VIPR1: variants seen among roughly 807,000 people sequenced by gnomAD.
VIPR1 encodes the protein vasoactive intestinal peptide receptor 1, also known as vasoactive intestinal polypeptide receptor 1.
Under a neutral mutation model 58.8 loss-of-function variants are expected in VIPR1, and 59 were observed. The observed-to-expected ratio is 1.00, with a 90% CI of 0.81 to 1.25. The LOEUF (loss-of-function observed/expected upper bound fraction) is 1.25. Among genes scored for constraint, VIPR1 ranks in the 50% most tolerant of loss-of-function variants. The pLI is 0.00. For missense variants in VIPR1, 626 were observed against 602.7 expected, an observed-to-expected ratio of 1.04 and a Z score of -0.40; for synonymous variants, 251 against 242.1, an observed-to-expected ratio of 1.04 and a Z score of -0.34.
chr3:42,514,748 G>T (rs1158643937), intron 2 of VIPR1, among the ~76,000 whole-genome samples: 1 of 152,116 alleles, frequency 6.6e-6, no homozygotes, highest in Admixed American at 6.5e-5. Flanking sequence ...CTCCTCAGGG[G>T]GCTGGGAGAG....
upstream of VIPR1, among the ~76,000 whole-genome samples, chr3:42,499,097 G>T (rs72862506): frequency 6.6e-6 from 1 of 152,208 alleles, no homozygotes; most frequent in Non-Finnish European, 1.5e-5. Context: ...GAAAGCAAAT[G>T]TTGCCTGCAT....
In VIPR1 at chr3:42,532,231, C is replaced by T. The variant is rs117646510; in HGVS notation, c.919-11C>T. On this transcript the variant is annotated splice_polypyrimidine_tract_variant and intron_variant, in intron 9 of 12. Coordinates refer to ENST00000325123, the MANE Select transcript of VIPR1 (RefSeq NM_004624.4). Reference sequence around the variant, plus strand: ...GCTCTGACTGCCCGAACTCGGGTCCCCACCCACTAGGTAAACTTCATCCTG... The same window carrying T: ...GCTCTGACTGCCCGAACTCGGGTCCTCACCCACTAGGTAAACTTCATCCTG... The T allele has an allele frequency of 4.0e-4, 645 of 1,614,106 alleles. 12 individuals carry two copies. In the East Asian group the frequency reaches 0.01, roughly 26 times the overall value.
chr3:42,504,134 A>G (rs1022212634), intron 1 of VIPR1, among the ~76,000 whole-genome samples: 4 of 152,120 alleles, frequency 2.6e-5, no homozygotes, highest in African/African-American at 4.8e-5. Context: ...CACAACTTGC[A>G]TGAAGCCTTC....
At chr3:42,510,823 G>A (rs1028495222) in intron 1 of VIPR1, among the ~76,000 whole-genome samples, 1 of 152,140 alleles carries the variant, frequency 6.6e-6, no homozygotes, top group Non-Finnish European at 1.5e-5. Flanking sequence ...CTCTAAGGAA[G>A]GGCTGTGTGT....
At chr3:42,497,987 G>C (rs368053126), upstream of VIPR1, among the ~76,000 whole-genome samples, 29 of 152,362 alleles carry the variant, frequency 1.9e-4, no homozygotes, top group African/African-American at 6.7e-4. Context: ...GAGTCCTGGG[G>C]TTTTGAGGGA....
chr3:42,527,325 C>A, intron 4 of VIPR1, 68 bp from the exon 5 acceptor site: 1 of 1,455,068 alleles, frequency 6.9e-7, no homozygotes, highest in Non-Finnish European at 9.6e-7. Flanking sequence ...GCACCCCACC[C>A]CTGCCAATAC....
chr3:42,528,335 T>G, intron 6 of VIPR1: 2 of 651,280 alleles, frequency 3.1e-6, no homozygotes, highest in Non-Finnish European at 5.0e-6. Flanking sequence ...TGCTCACCCA[T>G]CTGGGTGCTC....
rs775451361 is a variant in VIPR1 at position 42,513,888 on chromosome 3, C to T, written c.184+34C>T. ...CCCATGGGCAGAGAGGGGCTGCATG[C>T]CCCCAGGGAGCCCAAGATTCCTCAT... On this transcript the variant is annotated intron_variant, in intron 2 of 12. Transcript: ENST00000325123. 11 of 1,538,842 alleles carry T rather than the reference C, an allele frequency of 7.1e-6. No homozygotes were observed. The Admixed American group carries it at 2.2e-4, about 30-fold the overall frequency.
Position 42,535,009 on chromosome 3 carries a change from C to G in VIPR1, c.1045C>G (p.Leu349Val). Residue 349 changes from leucine to valine, a missense_variant, in exon 11 of 13, where the codon CTG becomes GTG. Leu to Val is a conservative substitution (Grantham distance 32, BLOSUM62 1). Transcript: ENST00000325123. ...CAGGTCCACACTCCTGCTGATCCCC[C>G]TGTTTGGAGTACACTACATCATGTT... The part of the protein sequence containing the change: ...LARSTLLLIP[L>V]FGVHYIMFAF... 7.4e-6 allele frequency: 12 copies of G among 1,614,164 alleles called. No individual in the cohort carries two copies. Among genetic ancestry groups the G allele is most frequent in the Non-Finnish European group, 1.0e-5 (12 of 1,180,004 alleles).
At chr3:42,491,740 A>C (rs191953456) in intron 1 of VIPR1, among the ~76,000 whole-genome samples, 1 of 152,100 alleles carries the variant, frequency 6.6e-6, no homozygotes, top group African/African-American at 2.4e-5. Context: ...ACACCTGGCT[A>C]ATTTTAGTAT....
Position 42,536,445 on chromosome 3 carries a change from A to C in VIPR1, c.*164A>C. The C allele has an allele frequency of 3.1e-6, 2 of 649,028 alleles. No individual in the cohort carries two copies. Among genetic ancestry groups the C allele is most frequent in the Non-Finnish European group, 4.8e-6 (2 of 415,532 alleles). 40.2% of individuals were successfully genotyped at this position (649,028 alleles called of 1,614,324 possible). A position where few individuals can be genotyped will look rare whatever the true frequency, so the allele number is the denominator to read the frequency against. On this transcript the variant is annotated 3_prime_UTR_variant, in exon 13 of 13. Coordinates refer to ENST00000325123, the MANE Select transcript of VIPR1 (RefSeq NM_004624.4). ...TGGTCCGGACACTCCTAGAGAACGC[A>C]GCCCTAGAGCCTGCCTGGAGCGTTT...
At chr3:42,523,627 A>ACT (rs1701072319) in intron 3 of VIPR1, among the ~76,000 whole-genome samples, 1 of 149,108 alleles carries the variant, frequency 6.7e-6, no homozygotes, top group African/African-American at 2.5e-5. Flanking sequence ...ACACACACAC[A>ACT]CACACACACA....
chr3:42,504,902 CAAAAAAAAAAAAA>C (rs56310463), intron 1 of VIPR1, among the ~76,000 whole-genome samples: 5 of 52,970 alleles, frequency 9.4e-5, no homozygotes, highest in African/African-American at 2.2e-4. Context: ...AAAAGGGAGG[CAAAAAAAAAAAAA>C]AAAAAAAAAA....
chr3:42,529,258 C>T (rs1240612576), intron 6 of VIPR1: 1 of 152,016 alleles, frequency 6.6e-6, no homozygotes, highest in African/African-American at 2.4e-5. Flanking sequence ...GAGTTCAAGA[C>T]CAGCCTGACC....
At chr3:42,505,883 G>A (rs1287618547) in intron 1 of VIPR1, among the ~76,000 whole-genome samples, 1 of 152,192 alleles carries the variant, frequency 6.6e-6, no homozygotes, top group Non-Finnish European at 1.5e-5. Context: ...TTAGGCTGGA[G>A]CCAACTCTGC....
At chr3:42,534,334 C>T (rs75445287) in intron 10 of VIPR1, 1 of 152,392 alleles carries the variant, frequency 6.6e-6, no homozygotes, top group African/African-American at 2.4e-5. Context: ...GGTCAGCACC[C>T]AGTTAGAAAG....
At chr3:42,514,807 G>T (rs1383927009) in intron 2 of VIPR1, among the ~76,000 whole-genome samples, 1 of 152,154 alleles carries the variant, frequency 6.6e-6, no homozygotes, top group Non-Finnish European at 1.5e-5. Flanking sequence ...AGACTGGACA[G>T]CAGGGCTATC....
At position 42,532,020 on chromosome 3, in the gene VIPR1, C is replaced by T. The variant is rs1327185396; in HGVS notation, c.918+151C>T. 57 of 974,536 alleles carry T rather than the reference C, an allele frequency of 5.8e-5. 1 individual carries two copies. Among genetic ancestry groups the T allele is most frequent in the Non-Finnish European group, 1.9e-5 (12 of 637,612 alleles). The allele number at this position is 974,536 out of a possible 1,614,324, so 60.4% of individuals were successfully genotyped here. ...CAGGATCATCCCCACCCCTGTCCTA[C>T]CAGTTCTTCCTTGAGCGTAAGCGGA... On this transcript the variant is annotated intron_variant, in intron 9 of 12. Transcript: ENST00000325123.
At position 42,536,165 on chromosome 3, in the gene VIPR1, C is replaced by A. The variant is rs776485976; in HGVS notation, c.1258C>A (p.His420Asn). ...GVLGWNPKYR[H>N]PSGGSNGATC... ...CCTGGGCTGGAACCCCAAATACCGG[C>A]ACCCGTCGGGAGGCAGCAACGGCGC... is the stretch of plus-strand genomic sequence containing the variant. Residue 420 changes from histidine to asparagine, a missense_variant, in exon 13 of 13, where the codon CAC becomes AAC. Transcript: ENST00000325123. The A allele has an allele frequency of 6.2e-7, 1 of 1,608,044 alleles. No homozygotes were observed. The highest frequency in any genetic ancestry group is 1.7e-5 in the Admixed American group (1 of 59,542).
Sources: gnomAD v4.1 joint callset for allele counts (sites outside exome capture counted in the v4.1 genomes callset) on GRCh38, gnomAD v4.1.1 for gene constraint, MANE v1.5 for transcripts, NCBI Gene and HGNC (gene_info 2026-07-23, HGNC 2026-07-21) for gene names.